CHTOP: variants seen among roughly 807,000 people sequenced by gnomAD.
CHTOP encodes chromatin target of PRMT1 protein.
A neutral mutation model predicts 33.6 loss-of-function variants in CHTOP; 18 were observed. That is an observed-to-expected ratio of 0.54 (90% CI 0.37 to 0.80). CHTOP has a LOEUF of 0.80. Among genes scored for constraint, CHTOP ranks in the 30% least tolerant of loss-of-function variants. The pLI, the probability that CHTOP is intolerant of heterozygous loss-of-function variation, is 0.00. For synonymous variants in CHTOP, 117 were observed against 127.7 expected, an observed-to-expected ratio of 0.92 and a Z score of 0.56; for missense variants, 263 against 336.8, an observed-to-expected ratio of 0.78 and a Z score of 1.71.
chr1:153,642,121 C>A, intron 3 of CHTOP, 125 bp from the exon 4 acceptor site: 1 of 700,664 alleles, frequency 1.4e-6, no homozygotes, highest in Non-Finnish European at 2.3e-6. Context: ...TTTTGACACC[C>A]ACAACAGGTT....
chr1:153,643,399 CCTTA>C (rs1668696648), intron 5 of CHTOP, 35 bp downstream of exon 5: 2 of 1,475,844 alleles, frequency 1.4e-6, no homozygotes, highest in African/African-American at 1.4e-5. Context: ...AGTAGCTCCC[CCTTA>C]CTTTCCTCCC....
At chr1:153,638,249 T>G (rs1230542546) in intron 2 of CHTOP, 46 bp from the exon 3 acceptor site, 1 of 1,600,382 alleles carries the variant, frequency 6.2e-7, no homozygotes, top group South Asian at 1.1e-5. Context: ...AATAAATGTT[T>G]GTAATAAAGC....
chr1:153,637,390 C>T (rs995858242), intron 2 of CHTOP: 2 of 152,258 alleles, frequency 1.3e-5, no homozygotes, highest in African/African-American at 4.8e-5. Flanking sequence ...TGGCTCATGC[C>T]TGTAATCCCA....
intron 1 of CHTOP, among the ~76,000 whole-genome samples, chr1:153,635,746 G>C (rs985251934): frequency 1.3e-5 from 2 of 151,782 alleles, no homozygotes; most frequent in African/African-American, 4.8e-5. Context: ...TGGCTTGAAC[G>C]GGGAGGCAGA....
chr1:153,642,000 G>C (rs1248026417), intron 3 of CHTOP, among the ~76,000 whole-genome samples: 1 of 152,242 alleles, frequency 6.6e-6, no homozygotes, highest in Non-Finnish European at 1.5e-5. Flanking sequence ...TTGTGGAGAT[G>C]CCCATTTCAT....
chr1:153,638,160 A>C, intron 2 of CHTOP, 135 bp from the exon 3 acceptor site: 1 of 802,764 alleles, frequency 1.2e-6, no homozygotes, highest in South Asian at 1.8e-5. Context: ...AACCCACATC[A>C]GCCTTGATCT....
At chr1:153,640,062 C>T (rs1321763844) in intron 3 of CHTOP, among the ~76,000 whole-genome samples, 1 of 152,192 alleles carries the variant, frequency 6.6e-6, no homozygotes, top group African/African-American at 2.4e-5. Context: ...GCATGAGCTA[C>T]CGTGCCCAGC....
At position 153,645,652 on chromosome 1, in the gene CHTOP, C is replaced by A. The variant is rs142484773; in HGVS notation, c.*383C>A. 75 of 190,578 alleles carry A rather than the reference C, an allele frequency of 3.9e-4. No homozygotes were observed. Among genetic ancestry groups the A allele is most frequent in the African/African-American group, 1.5e-3 (63 of 42,406 alleles). The allele number at this position is 190,578 out of a possible 1,614,324, so 11.8% of individuals were successfully genotyped here. On this transcript the variant is annotated 3_prime_UTR_variant, in exon 6 of 6. Transcript: ENST00000368694. ...ATTTCTTTTGTTCATCCCTGTTGCC[C>A]CCACAGAAACATCCCAGAAAAACCG... is the stretch of plus-strand genomic sequence containing the variant.
Position 153,645,696 on chromosome 1 carries a change from C to T in CHTOP, c.*427C>T. ...AAAACCGGTCAGTGTTCCTTCCTCCCTGATCCTTAGGTTTCTGAAATAGGG... is the reference window on the plus strand; with the variant it reads ...AAAACCGGTCAGTGTTCCTTCCTCCTTGATCCTTAGGTTTCTGAAATAGGG... On this transcript the variant is annotated 3_prime_UTR_variant, in exon 6 of 6. Transcript: ENST00000368694. The T allele has an allele frequency of 5.6e-6, 1 of 179,582 alleles. No homozygotes were observed. Among genetic ancestry groups the T allele is most frequent in the Non-Finnish European group, 1.2e-5 (1 of 85,068 alleles). 11.1% of individuals were successfully genotyped at this position (179,582 alleles called of 1,614,324 possible). A position where few individuals can be genotyped will look rare whatever the true frequency, so the allele number is the denominator to read the frequency against.
chr1:153,638,522 C>A (rs777765514), intron 3 of CHTOP, 74 bp downstream of exon 3: 1 of 1,547,326 alleles, frequency 6.5e-7, no homozygotes, highest in Non-Finnish European at 8.9e-7. Flanking sequence ...GCTGTCAGGA[C>A]GTGATGGATG....
chr1:153,638,870 G>T (rs1305198440), intron 3 of CHTOP, among the ~76,000 whole-genome samples: 1 of 140,610 alleles, frequency 7.1e-6, no homozygotes, highest in Non-Finnish European at 1.5e-5. Context: ...CATGGCCTTA[G>T]TCAAAGGTTT....
chr1:153,645,052 C>G lies in CHTOP; in HGVS notation c.542-12C>G. 1.3e-6 allele frequency: 2 copies of G among 1,583,558 alleles called. No homozygotes were observed. The highest frequency in any genetic ancestry group is 1.7e-6 in the Non-Finnish European group (2 of 1,170,846). ...ACTGTCTCTTTTTTTTTTTTTTTCC[C>G]CTTTGGGCCAGGTCGGGGTATGATA... On this transcript the variant is annotated splice_polypyrimidine_tract_variant and intron_variant, in intron 5 of 5. Coordinates refer to ENST00000368694, the MANE Select transcript of CHTOP (RefSeq NM_015607.4).
Position 153,645,374 on chromosome 1 carries a change from C to G in CHTOP, c.*105C>G, listed in dbSNP as rs1166349423. The G allele has an allele frequency of 1.8e-6, 2 of 1,107,314 alleles. No individual in the cohort carries two copies. The highest frequency in any genetic ancestry group is 3.1e-5 in the African/African-American group (2 of 64,432). 68.6% of individuals were successfully genotyped at this position (1,107,314 alleles called of 1,614,324 possible). A position where few individuals can be genotyped will look rare whatever the true frequency, so the allele number is the denominator to read the frequency against. On this transcript the variant is annotated 3_prime_UTR_variant, in exon 6 of 6. Transcript: ENST00000368694. The stretch of plus-strand genomic sequence containing the variant: ...TCTGATTGATGCTGGATGGACCTAT[C>G]ACAATAGGCTGTGGACTTACTTGCC...
intron 3 of CHTOP, among the ~76,000 whole-genome samples, chr1:153,639,704 C>A (rs1294863979): frequency 6.6e-6 from 1 of 152,174 alleles, no homozygotes; most frequent in Non-Finnish European, 1.5e-5. Flanking sequence ...GACCTTTCAA[C>A]AAGAAGCTTT....
At position 153,645,197 on chromosome 1, in the gene CHTOP, G is replaced by T; in HGVS notation, c.675G>T (p.Ser225=). 6.2e-7 allele frequency: 1 copy of T among 1,614,208 alleles called. No homozygotes were observed. Among genetic ancestry groups the T allele is most frequent in the Non-Finnish European group, 8.5e-7 (1 of 1,180,048 alleles). ...QLDNQLDAYM[S]KTKGHLDAEL... ...ACAACCAATTGGATGCATATATGTC[G>T]AAAACAAAAGGACACCTGGATGCTG... is the stretch of plus-strand genomic sequence containing the variant. Residue 225 remains serine, a synonymous_variant, in exon 6 of 6, where the codon TCG becomes TCT. Transcript: ENST00000368694.
chr1:153,638,729 A>T (rs1668503101), intron 3 of CHTOP, among the ~76,000 whole-genome samples: 1 of 152,230 alleles, frequency 6.6e-6, no homozygotes, highest in Admixed American at 6.5e-5. Context: ...CTTAACATAG[A>T]TTAATGGCTT....
In CHTOP at chr1:153,642,341, A is replaced by G; in HGVS notation, c.315A>G (p.Leu105=). The G allele has an allele frequency of 6.2e-7, 1 of 1,614,122 alleles. No homozygotes were observed. Among genetic ancestry groups the G allele is most frequent in the Non-Finnish European group, 8.5e-7 (1 of 1,180,006 alleles). The change falls in exon 4 of 6, where the codon CTA becomes CTG. Residue 105 remains leucine, a synonymous_variant. Transcript: ENST00000368694. The part of the protein sequence containing the change: ...LARGAIGGRG[L]PIIQRGLPRG... ...GGGGAGCAATCGGAGGACGAGGCCT[A>G]CCCATAATCCAGAGAGGCTTGCCCA...
intron 1 of CHTOP, 71 bp from the exon 2 acceptor site, chr1:153,636,501 C>T: frequency 7.9e-7 from 1 of 1,271,714 alleles, no homozygotes; most frequent in Non-Finnish European, 1.1e-6. Context: ...TTATTTTTGG[C>T]TTGGGCCTTG....
At chr1:153,638,545 C>T in intron 3 of CHTOP, 97 bp downstream of exon 3, 4 of 1,425,684 alleles carry the variant, frequency 2.8e-6, no homozygotes, top group Non-Finnish European at 3.9e-6. Flanking sequence ...TGCAAAGTGG[C>T]TCAGGGCAAA....
Sources: allele counts gnomAD v4.1 joint callset (sites outside exome capture counted in the v4.1 genomes callset), GRCh38; gene constraint gnomAD v4.1.1; transcripts MANE v1.5; gene names NCBI Gene and HGNC (gene_info 2026-07-23, HGNC 2026-07-21).